The following ARSB variants were observed in gnomAD, a reference collection of about 807,000 sequenced individuals.
ARSB encodes N-acetylgalactosamine-4-sulfatase.
Under a neutral mutation model 50.9 loss-of-function variants are expected in ARSB, and 41 were observed. The observed-to-expected ratio is 0.81, with a 90% confidence interval of 0.63 to 1.04. The LOEUF is 1.04. ARSB is among the 50% of genes least tolerant of loss of function. The pLI, the probability that ARSB is intolerant of heterozygous loss-of-function variation, is 0.00. For synonymous variants in ARSB, 269 were observed against 284.8 expected (o/e 0.94, Z 0.56); for missense variants, 672 against 693.3 (o/e 0.97, Z 0.35).
intron 6 of ARSB, among the ~76,000 whole-genome samples, chr5:78,812,549 A>G (rs1743847203): frequency 6.6e-6 from 1 of 151,636 alleles, no homozygotes; most frequent in Non-Finnish European, 1.5e-5. Flanking sequence ...TATTTGTATT[A>G]TCACATTATT....
At chr5:78,864,661 A>C (rs1014677620) in intron 5 of ARSB, among the ~76,000 whole-genome samples, 4 of 152,222 alleles carry the variant, frequency 2.6e-5, no homozygotes, top group Non-Finnish European at 2.9e-5. Flanking sequence ...TTAACTCAAA[A>C]GTCCACATTC....
intron 3 of ARSB, among the ~76,000 whole-genome samples, chr5:78,963,347 A>T (rs1752077632): frequency 6.6e-6 from 1 of 152,192 alleles, no homozygotes; most frequent in African/African-American, 2.4e-5. Context: ...TAAATTACCC[A>T]GCCTCAGCTA....
chr5:78,823,159 G>A (rs1244134672), intron 6 of ARSB, among the ~76,000 whole-genome samples: 1 of 152,180 alleles, frequency 6.6e-6, no homozygotes, highest in Non-Finnish European at 1.5e-5. Flanking sequence ...TTGTAGGTGT[G>A]TTTTTGCTTT....
intron 4 of ARSB, among the ~76,000 whole-genome samples, chr5:78,925,694 T>A (rs761992980): frequency 6.6e-6 from 1 of 152,220 alleles, no homozygotes; most frequent in Non-Finnish European, 1.5e-5. Flanking sequence ...CACATAGCCA[T>A]GTGATACTAT....
chr5:78,908,389 G>A (rs181520841), intron 4 of ARSB, among the ~76,000 whole-genome samples: 8 of 135,968 alleles, frequency 5.9e-5, no homozygotes, highest in African/African-American at 2.1e-4. Context: ...TACCATATCA[G>A]GATACAGCTG....
chr5:78,906,423 T>C (rs1225983618), intron 4 of ARSB, among the ~76,000 whole-genome samples: 3 of 152,190 alleles, frequency 2.0e-5, no homozygotes, highest in Admixed American at 1.3e-4. Flanking sequence ...TGGTTAGAAG[T>C]AGGAGGTTTC....
At chr5:78,910,216 C>T (rs114273134) in intron 4 of ARSB, among the ~76,000 whole-genome samples, 1 of 152,180 alleles carries the variant, frequency 6.6e-6, no homozygotes, top group Non-Finnish European at 1.5e-5. Flanking sequence ...GGACCGGTGC[C>T]GGTGCAGGTC....
intron 5 of ARSB, among the ~76,000 whole-genome samples, chr5:78,850,060 T>G: frequency 6.6e-6 from 1 of 152,014 alleles, no homozygotes; most frequent in East Asian, 1.9e-4. Flanking sequence ...TATTTCCTTC[T>G]CCTGCCTAAT....
At position 78,955,285 on chromosome 5, in the gene ARSB, A is replaced by G. The variant is rs1302075235; in HGVS notation, c.898+10T>C. 4 of 1,613,760 alleles carry G rather than the reference A, an allele frequency of 2.5e-6. No homozygotes were observed. In the East Asian group the frequency reaches 8.9e-5, roughly 36 times the overall value. On this transcript the variant is annotated intron_variant, in intron 4 of 7. Transcript: ENST00000264914. ...TTGCCAAGAGATGATTTTCCTATTGACAGACTTACCTGTAGAAAAGATGAA... is the reference window on the plus strand; with the variant it reads ...TTGCCAAGAGATGATTTTCCTATTGGCAGACTTACCTGTAGAAAAGATGAA...
At chr5:78,869,878 G>A (rs1238453630) in intron 5 of ARSB, among the ~76,000 whole-genome samples, 1 of 150,588 alleles carries the variant, frequency 6.6e-6, no homozygotes, top group Non-Finnish European at 1.5e-5. Flanking sequence ...TCCAGGAGCT[G>A]GTTTTTTGAA....
Position 78,781,744 on chromosome 5 carries a change from G to A in ARSB, c.1336+108C>T, listed in dbSNP as rs566091563. 3.6e-5 allele frequency: 54 copies of A among 1,487,776 alleles called. No individual in the cohort carries two copies. The East Asian group carries it at 5.0e-4, about 14-fold the overall frequency. The allele number at this position is 1,487,776 out of a possible 1,614,324, so 92.2% of individuals were successfully genotyped here. A position where few individuals can be genotyped will look rare whatever the true frequency, so the allele number is the denominator to read the frequency against. ...GTCCTCTCTTTCCAGAGAAATGGCC[G>A]TGGGAATCAAATCCCAGGAGGGCAG... On this transcript the variant is annotated intron_variant, in intron 7 of 7. Coordinates refer to ENST00000264914, the MANE Select transcript of ARSB (RefSeq NM_000046.5).
chr5:78,963,547 T>G (rs1752086258), intron 3 of ARSB, among the ~76,000 whole-genome samples: 1 of 152,194 alleles, frequency 6.6e-6, no homozygotes, highest in Admixed American at 6.5e-5. Context: ...TTGAGCCCAG[T>G]GTCTGACAAT....
intron 4 of ARSB, among the ~76,000 whole-genome samples, chr5:78,902,089 G>A (rs1267610273): frequency 3.3e-5 from 5 of 152,264 alleles, no homozygotes; most frequent in Non-Finnish European, 5.9e-5. Context: ...CTGGCACCAG[G>A]TGAGGGCCTT....
intron 5 of ARSB, among the ~76,000 whole-genome samples, chr5:78,861,709 G>C (rs1412090221): frequency 6.6e-6 from 1 of 152,176 alleles, no homozygotes; most frequent in African/African-American, 2.4e-5. Flanking sequence ...GCACAAGACA[G>C]GGATGCCCTC....
In ARSB at chr5:78,778,487, T is replaced by C. The variant is rs1748832653; in HGVS notation, c.*1910A>G. 1 of 152,172 alleles carries C rather than the reference T, an allele frequency of 6.6e-6. No individual in the cohort carries two copies. The highest frequency in any genetic ancestry group is 6.5e-5 in the Admixed American group (1 of 15,272). The allele number at this position is 152,172 out of a possible 1,614,324, so 9.4% of individuals were successfully genotyped here. A position where few individuals can be genotyped will look rare whatever the true frequency, so the allele number is the denominator to read the frequency against. ...GAAATGGAAATTGCTGACAAGAGAG[T>C]ACCTTTGGTAGGCACAGTTCCTTTT... On this transcript the variant is annotated 3_prime_UTR_variant, in exon 8 of 8. Transcript: ENST00000264914.
At chr5:78,892,309 AC>A (rs1217563112) in intron 4 of ARSB, among the ~76,000 whole-genome samples, 1 of 130,174 alleles carries the variant, frequency 7.7e-6, no homozygotes. Flanking sequence ...AGGCTGGAGT[AC>A]AGTGGTGCAA....
rs1749392292 is a variant in ARSB, at chr5:78,913,318, G to GT, written c.899-27492dup. Among the ~76,000 whole-genome samples, 9 of 152,136 alleles carry GT rather than the reference G, an allele frequency of 5.9e-5. No individual in the cohort carries two copies. In the South Asian group the frequency reaches 1.7e-3, roughly 28 times the overall value. ...TTTTTGTGTTTTTAGTAGAGACGGG[G>GT]TTTCACCGTGTTAGCCAGGATGGTC... On this transcript the variant is annotated intron_variant, in intron 4 of 7. Transcript: ENST00000264914.
intron 5 of ARSB, among the ~76,000 whole-genome samples, chr5:78,863,672 G>A (rs775675827): frequency 6.6e-6 from 1 of 151,746 alleles, no homozygotes; most frequent in Non-Finnish European, 1.5e-5. Flanking sequence ...TGTGTTAATG[G>A]GTGCAGGACA....
chr5:78,964,059 A>T (rs1328875872), intron 3 of ARSB, among the ~76,000 whole-genome samples: 2 of 152,194 alleles, frequency 1.3e-5, no homozygotes, highest in African/African-American at 4.8e-5. Flanking sequence ...CTCACAGCAC[A>T]TGCACGTAAT....
Sources: gnomAD v4.1 joint callset for allele counts (sites outside exome capture counted in the v4.1 genomes callset) on GRCh38, gnomAD v4.1.1 for gene constraint, MANE v1.5 for transcripts, NCBI Gene and HGNC (gene_info 2026-07-23, HGNC 2026-07-21) for gene names.